GOPC: variants seen among roughly 807,000 people sequenced by gnomAD.
GOPC encodes golgi associated PDZ and coiled-coil motif containing.
A neutral mutation model predicts 51.2 loss-of-function variants in GOPC; 32 were observed. That is an observed-to-expected ratio of 0.63 (90% CI 0.47 to 0.84). GOPC has a LOEUF of 0.84. GOPC is among the 40% of genes least tolerant of loss of function. GOPC has a pLI of 0.00. For synonymous variants in GOPC, 190 were observed against 205.1 expected (o/e 0.93, Z 0.63); for missense variants, 441 against 555.5 (o/e 0.79, Z 2.07).
chr6:117,580,629 TAATTC>T (rs1779943905), intron 1 of GOPC, among the ~76,000 whole-genome samples: 1 of 152,180 alleles, frequency 6.6e-6, no homozygotes, highest in Non-Finnish European at 1.5e-5. Context: ...TATTGAGATA[TAATTC>T]AATATCATAA....
At chr6:117,600,176 G>A (rs1771972475) in intron 1 of GOPC, among the ~76,000 whole-genome samples, 1 of 152,202 alleles carries the variant, frequency 6.6e-6, no homozygotes, top group South Asian at 2.1e-4. Flanking sequence ...GGGGATCTGT[G>A]CAGAGTATGG....
intron 1 of GOPC, among the ~76,000 whole-genome samples, chr6:117,580,619 T>C (rs1288252106): frequency 1.3e-5 from 2 of 152,148 alleles, no homozygotes; most frequent in Admixed American, 6.5e-5. Context: ...ATAACACCTT[T>C]ATTGAGATAT....
At chr6:117,600,812 A>G (rs1771990389) in intron 1 of GOPC, among the ~76,000 whole-genome samples, 1 of 152,264 alleles carries the variant, frequency 6.6e-6, no homozygotes, top group African/African-American at 2.4e-5. Flanking sequence ...GATTACCTTC[A>G]TATTAGCACT....
chr6:117,565,112 A>G (rs1477895349), intron 8 of GOPC, among the ~76,000 whole-genome samples: 1 of 152,232 alleles, frequency 6.6e-6, no homozygotes, highest in Non-Finnish European at 1.5e-5. Context: ...ATGACAATAA[A>G]TCCAGAAGGT....
chr6:117,602,282 C>T lies in GOPC; in HGVS notation c.7G>A (p.Ala3Thr), dbSNP rs1160275627. The T allele has an allele frequency of 3.1e-6, 5 of 1,589,544 alleles. No individual in the cohort carries two copies. The African/African-American group carries it at 4.0e-5, about 13-fold the overall frequency. Residue 3 changes from alanine (A) to threonine (T), a missense_variant, in exon 1 of 9, where the codon GCG becomes ACG. Coordinates refer to ENST00000368498, the MANE Select transcript of GOPC (RefSeq NM_020399.4). ...GCTGCTGCTGGGCATGGACCGCCCG[C>T]CGACATGGCGCCGTCAAGGGCCTCT... MS[A>T]GGPCPAAAGG... is the part of the protein sequence containing the mutation.
intron 1 of GOPC, among the ~76,000 whole-genome samples, chr6:117,599,135 G>A (rs772536010): frequency 5.3e-5 from 8 of 151,942 alleles, no homozygotes; most frequent in Non-Finnish European, 8.8e-5. Context: ...AGTGTTTAAT[G>A]TTAACTACAT....
intron 1 of GOPC, among the ~76,000 whole-genome samples, chr6:117,600,050 T>C (rs1310142427): frequency 1.3e-5 from 2 of 152,232 alleles, no homozygotes; most frequent in African/African-American, 4.8e-5. Flanking sequence ...TATAACAGAA[T>C]ACCAGAAACT....
At chr6:117,590,159 G>A (rs1780094982) in intron 1 of GOPC, among the ~76,000 whole-genome samples, 1 of 152,146 alleles carries the variant, frequency 6.6e-6, no homozygotes, top group Non-Finnish European at 1.5e-5. Flanking sequence ...AACACCAGAT[G>A]CGTTTCAAAA....
chr6:117,597,775 A>G (rs1006332613), intron 1 of GOPC, among the ~76,000 whole-genome samples: 1 of 152,206 alleles, frequency 6.6e-6, no homozygotes, highest in African/African-American at 2.4e-5. Flanking sequence ...CACTAGGGAT[A>G]TATGCCCCCT....
Position 117,586,475 on chromosome 6 carries a change from C to CTTT in GOPC, c.286-7414_286-7412dup, listed in dbSNP as rs869148559. Among the ~76,000 whole-genome samples, 423 of 91,926 alleles carry CTTT rather than the reference C, an allele frequency of 4.6e-3. 3 individuals are homozygous for CTTT. Among genetic ancestry groups the CTTT allele is most frequent in the Middle Eastern group, 7.2e-3 (1 of 138 alleles). 60.3% of individuals were successfully genotyped at this position (91,926 alleles called of 152,430 possible). A position where few individuals can be genotyped will look rare whatever the true frequency, so the allele number is the denominator to read the frequency against. ...TTTAAAAGAATGCATCACAGAGATTCTTTTTTTTTTTTTTTTTTTTTTTGA... is the reference window on the plus strand; with the variant it reads ...TTTAAAAGAATGCATCACAGAGATTCTTTTTTTTTTTTTTTTTTTTTTTTTTGA... On this transcript the variant is annotated intron_variant, in intron 1 of 8. Coordinates refer to ENST00000368498, the MANE Select transcript of GOPC (RefSeq NM_020399.4).
chr6:117,597,074 T>C (rs984980061), intron 1 of GOPC, among the ~76,000 whole-genome samples: 1 of 152,204 alleles, frequency 6.6e-6, no homozygotes, highest in Non-Finnish European at 1.5e-5. Flanking sequence ...AGCAGTGTTT[T>C]ATAGTTTTCT....
rs569536215 is a variant in GOPC, at chr6:117,564,192, T to C, written c.1259-808A>G. Among the ~76,000 whole-genome samples the C allele has an allele frequency of 3.9e-5, 6 of 152,210 alleles. No individual in the cohort carries two copies. The South Asian group carries it at 1.2e-3, about 32-fold the overall frequency. On this transcript the variant is annotated intron_variant, in intron 8 of 8. Coordinates refer to ENST00000368498, the MANE Select transcript of GOPC (RefSeq NM_020399.4). Reference sequence around the variant, plus strand: ...GACAGGGTTCACTATGTTGCCCAGGTTGGTAACTCCTGGCCTCAAGCGATC... The same window carrying C: ...GACAGGGTTCACTATGTTGCCCAGGCTGGTAACTCCTGGCCTCAAGCGATC...
intron 1 of GOPC, among the ~76,000 whole-genome samples, chr6:117,581,960 T>C (rs1423171856): frequency 2.0e-5 from 3 of 152,170 alleles, no homozygotes; most frequent in African/African-American, 4.8e-5. Context: ...GCAACTGACA[T>C]ACCCACCATG....
At chr6:117,575,704 T>C (rs1779871460) in intron 3 of GOPC, among the ~76,000 whole-genome samples, 1 of 152,208 alleles carries the variant, frequency 6.6e-6, no homozygotes. Flanking sequence ...CAATAGACAT[T>C]TTAACTGTTA....
Position 117,561,832 on chromosome 6 carries a change from C to T in GOPC, c.*1422G>A. 1 of 206,622 alleles carries T rather than the reference C, an allele frequency of 4.8e-6. No individual in the cohort carries two copies. Among genetic ancestry groups the T allele is most frequent in the Non-Finnish European group, 9.9e-6 (1 of 100,894 alleles). The allele number at this position is 206,622 out of a possible 1,614,324, so 12.8% of individuals were successfully genotyped here. A position where few individuals can be genotyped will look rare whatever the true frequency, so the allele number is the denominator to read the frequency against. ...GTTAAAACATTAAATTTATAAATAG[C>T]AAAACCACAAAATAAAGTATATACA... On this transcript the variant is annotated 3_prime_UTR_variant, in exon 9 of 9. Coordinates refer to ENST00000368498, the MANE Select transcript of GOPC (RefSeq NM_020399.4).
At chr6:117,574,180 G>A (rs1221910652) in intron 4 of GOPC, among the ~76,000 whole-genome samples, 1 of 151,806 alleles carries the variant, frequency 6.6e-6, no homozygotes, top group Non-Finnish European at 1.5e-5. Context: ...GAGCCTGAAA[G>A]GTGGACGCTG....
At chr6:117,588,806 A>C (rs1409530857) in intron 1 of GOPC, among the ~76,000 whole-genome samples, 1 of 150,060 alleles carries the variant, frequency 6.7e-6, no homozygotes, top group Admixed American at 6.6e-5. Flanking sequence ...ATATTTATAC[A>C]TATAACCCAC....
intron 8 of GOPC, 85 bp downstream of exon 8, chr6:117,566,769 T>G (rs762280339): frequency 1.2e-6 from 1 of 818,494 alleles, no homozygotes; most frequent in East Asian, 2.8e-5. Flanking sequence ...CAAAACAGTT[T>G]TACTGAAGAA....
chr6:117,577,490 A>T lies in GOPC; in HGVS notation c.451-19T>A. 4 of 1,582,152 alleles carry T rather than the reference A, an allele frequency of 2.5e-6. No individual in the cohort carries two copies. The highest frequency in any genetic ancestry group is 3.4e-6 in the Non-Finnish European group (4 of 1,161,156). On this transcript the variant is annotated intron_variant, in intron 2 of 8. Coordinates refer to ENST00000368498, the MANE Select transcript of GOPC (RefSeq NM_020399.4). ...GGCCAGACTTCAGATATAAGAAAAA[A>T]GTTTTATAATTAGAAAAAGATCAAA...
Sources: allele counts gnomAD v4.1 joint callset (sites outside exome capture counted in the v4.1 genomes callset), GRCh38; gene constraint gnomAD v4.1.1; transcripts MANE v1.5; gene names NCBI Gene and HGNC (gene_info 2026-07-23, HGNC 2026-07-21).